The following HIGD1C variants were observed in gnomAD, a reference collection of about 807,000 sequenced individuals.
HIGD1C encodes the protein HIG1 hypoxia inducible domain family member 1C, also known as HIG1 domain family member 1C.
Under a neutral mutation model 13.1 loss-of-function variants are expected in HIGD1C, and 11 were observed. The observed-to-expected ratio is 0.84, with a 90% CI of 0.53 to 1.39. The LOEUF (loss-of-function observed/expected upper bound fraction) is 1.39. Among genes scored for constraint, HIGD1C ranks in the 40% most tolerant of loss-of-function variants. The pLI is 0.00. For synonymous variants in HIGD1C, 36 were observed against 37.7 expected, an observed-to-expected ratio of 0.95 and a Z score of 0.17; for missense variants, 110 against 112.0, an observed-to-expected ratio of 0.98 and a Z score of 0.08.
At chr12:50,966,679 G>C (rs1939552465) in intron 2 of HIGD1C, among the ~76,000 whole-genome samples, 1 of 152,176 alleles carries the variant, frequency 6.6e-6, no homozygotes, top group African/African-American at 2.4e-5. Flanking sequence ...GTCATTCTCA[G>C]ACAGGATGGA....
chr12:50,931,739 T>TAG, the HIGD1C span: 3 of 136,110 alleles, frequency 2.2e-5, no homozygotes, highest in African/African-American at 8.5e-5. Context: ...AAAAAAGAAG[T>TAG]AGAGACAGGG....
At chr12:50,940,890 A>G in the HIGD1C span, among the ~76,000 whole-genome samples, 1 of 151,554 alleles carries the variant, frequency 6.6e-6, no homozygotes, top group Non-Finnish European at 1.5e-5. Flanking sequence ...TGTCACCCAG[A>G]CTGGAGTGCA....
At chr12:50,940,951 C>T in the HIGD1C span, among the ~76,000 whole-genome samples, 2 of 151,736 alleles carry the variant, frequency 1.3e-5, no homozygotes, top group Non-Finnish European at 2.9e-5. Context: ...CTCAAGTGAT[C>T]CTCCCACCTT....
the HIGD1C span, among the ~76,000 whole-genome samples, chr12:50,933,738 C>T: frequency 6.6e-6 from 1 of 152,228 alleles, no homozygotes; most frequent in Non-Finnish European, 1.5e-5. Flanking sequence ...ACCCTCAGGT[C>T]ATGTGCCCTG....
the HIGD1C span, among the ~76,000 whole-genome samples, chr12:50,947,338 AAGGTGTCAGC>A: frequency 6.6e-6 from 1 of 152,188 alleles, no homozygotes; most frequent in Non-Finnish European, 1.5e-5. Context: ...GGCTACAGTC[AAGGTGTCAGC>A]AGGTCTGTGT....
chr12:50,953,094 G>A (rs548116035), upstream of HIGD1C, among the ~76,000 whole-genome samples: 48 of 152,090 alleles, frequency 3.2e-4, no homozygotes, highest in African/African-American at 1.1e-3. Flanking sequence ...AATACCAGCC[G>A]ACCACTCCCC....
chr12:50,941,994 T>G, the HIGD1C span, among the ~76,000 whole-genome samples: 25,553 of 152,112 alleles, frequency 0.17, 2,562 homozygotes, highest in East Asian at 0.5. Context: ...GCTCAAGGGA[T>G]GCTCCCACCT....
chr12:50,970,102 A>G (rs534298820), intron 2 of HIGD1C, among the ~76,000 whole-genome samples: 1 of 152,304 alleles, frequency 6.6e-6, no homozygotes, highest in African/African-American at 2.4e-5. Flanking sequence ...TACTGAGTAC[A>G]AGTAGAGACT....
chr12:50,958,701 G>C (rs1939208661), intron 1 of HIGD1C, among the ~76,000 whole-genome samples: 1 of 150,732 alleles, frequency 6.6e-6, no homozygotes. Flanking sequence ...CAAATGCAGG[G>C]ATTAATGGGA....
downstream of HIGD1C, among the ~76,000 whole-genome samples, chr12:50,971,447 A>C (rs1939758629): frequency 6.6e-6 from 1 of 152,242 alleles, no homozygotes; most frequent in Admixed American, 6.5e-5. Flanking sequence ...TTCTAGGAAT[A>C]CAAAGGTAAA....
chr12:50,939,032 CAT>C, the HIGD1C span, among the ~76,000 whole-genome samples: 1 of 152,184 alleles, frequency 6.6e-6, no homozygotes, highest in Non-Finnish European at 1.5e-5. Context: ...TGATCTAAAG[CAT>C]AGTGTCTAAT....
intron 2 of HIGD1C, among the ~76,000 whole-genome samples, chr12:50,968,500 C>T (rs1223327030): frequency 1.3e-5 from 2 of 152,116 alleles, no homozygotes; most frequent in Non-Finnish European, 2.9e-5. Flanking sequence ...GATCCTCCCA[C>T]CTCAGCTTCC....
the HIGD1C span, among the ~76,000 whole-genome samples, chr12:50,934,404 TG>T: frequency 6.6e-6 from 1 of 152,250 alleles, no homozygotes; most frequent in South Asian, 2.1e-4. Context: ...TAAAAGGTTA[TG>T]CTGAGGAGTA....
the HIGD1C span, among the ~76,000 whole-genome samples, chr12:50,942,018 C>T: frequency 6.6e-6 from 1 of 152,030 alleles, no homozygotes; most frequent in African/African-American, 2.4e-5. Flanking sequence ...CCTCCTGGGA[C>T]CACAGATGTG....
At chr12:50,941,892 C>CT in the HIGD1C span, among the ~76,000 whole-genome samples, 3 of 151,996 alleles carry the variant, frequency 2.0e-5, no homozygotes, top group Non-Finnish European at 4.4e-5. Flanking sequence ...TCCCTTGTTC[C>CT]TTTTTTTCTT....
the HIGD1C span, among the ~76,000 whole-genome samples, chr12:50,948,086 A>G: frequency 6.6e-6 from 1 of 152,264 alleles, no homozygotes; most frequent in South Asian, 2.1e-4. Flanking sequence ...TGCATTTTAT[A>G]GAATAGCTCA....
chr12:50,962,043 G>C (rs925965732), intron 2 of HIGD1C, among the ~76,000 whole-genome samples: 4 of 152,174 alleles, frequency 2.6e-5, no homozygotes, highest in Admixed American at 6.5e-5. Context: ...TAGGAAGACA[G>C]ACCAAGAAAG....
upstream of HIGD1C, chr12:50,953,919 T>G: frequency 1.3e-6 from 1 of 780,878 alleles, no homozygotes; most frequent in Non-Finnish European, 2.2e-6. Context: ...TAATCAAGAG[T>G]ATGATGGGAG....
intron 1 of HIGD1C, among the ~76,000 whole-genome samples, chr12:50,957,738 A>G (rs1472154466): frequency 2.0e-5 from 3 of 151,820 alleles, no homozygotes; most frequent in Admixed American, 6.6e-5. Context: ...TACAAAAATT[A>G]GCCAGGTGTG....
Sources: allele counts gnomAD v4.1 joint callset (sites outside exome capture counted in the v4.1 genomes callset), GRCh38; gene constraint gnomAD v4.1.1; transcripts MANE v1.5; gene names NCBI Gene and HGNC (gene_info 2026-07-23, HGNC 2026-07-21).